PRKG1: variants seen among roughly 807,000 people sequenced by gnomAD.
PRKG1 encodes the protein cGMP-dependent protein kinase 1.
Under a neutral mutation model 88.1 loss-of-function variants are expected in PRKG1, and 35 were observed. The observed-to-expected ratio is 0.40, with a 90% CI of 0.30 to 0.53. The LOEUF is 0.53. Among genes scored for constraint, PRKG1 ranks in the 20% least tolerant of loss-of-function variants. PRKG1 has a pLI of 0.59. For synonymous variants in PRKG1, 303 were observed against 292.5 expected (o/e 1.04, Z -0.37); for missense variants, 540 against 839.8 (o/e 0.64, Z 4.41).
At chr10:51,161,716 AT>A (rs1846368319) in intron 2 of PRKG1, among the ~76,000 whole-genome samples, 1 of 152,144 alleles carries the variant, frequency 6.6e-6, no homozygotes. Flanking sequence ...GCAGTTATTT[AT>A]TTTATTTCTA....
intron 10 of PRKG1, among the ~76,000 whole-genome samples, chr10:52,265,500 T>C (rs1475734349): frequency 6.6e-6 from 1 of 152,122 alleles, no homozygotes; most frequent in Non-Finnish European, 1.5e-5. Flanking sequence ...AATGAATGAA[T>C]AGATACAAAT....
At chr10:52,109,172 C>T (rs1847497248) in intron 7 of PRKG1, among the ~76,000 whole-genome samples, 1 of 152,144 alleles carries the variant, frequency 6.6e-6, no homozygotes, top group African/African-American at 2.4e-5. Context: ...AAAGTCATCA[C>T]AGGTCTCAGC....
At chr10:52,067,220 A>C (rs574182188) in intron 7 of PRKG1, among the ~76,000 whole-genome samples, 1 of 152,188 alleles carries the variant, frequency 6.6e-6, no homozygotes, top group Non-Finnish European at 1.5e-5. Context: ...TTGGAATAAA[A>C]ATTGTAGAGC....
intron 4 of PRKG1, among the ~76,000 whole-genome samples, chr10:51,813,554 AT>A (rs1839510086): frequency 2.0e-5 from 3 of 152,202 alleles, no homozygotes; most frequent in South Asian, 4.1e-4. Context: ...TTATAACATC[AT>A]TTCCATTTTA....
intron 1 of PRKG1, among the ~76,000 whole-genome samples, chr10:51,099,099 C>T (rs1564599458): frequency 6.6e-6 from 1 of 152,082 alleles, no homozygotes; most frequent in South Asian, 2.1e-4. Context: ...CTGGGGAACA[C>T]TCCCTTAATA....
intron 5 of PRKG1, among the ~76,000 whole-genome samples, chr10:51,943,267 T>G (rs1424737217): frequency 6.6e-6 from 1 of 151,944 alleles, no homozygotes; most frequent in Non-Finnish European, 1.5e-5. Flanking sequence ...CTGTTATTGG[T>G]GTATAAGAAT....
intron 2 of PRKG1, among the ~76,000 whole-genome samples, chr10:51,213,295 A>G (rs1346547300): frequency 2.0e-5 from 3 of 151,930 alleles, no homozygotes; most frequent in Non-Finnish European, 4.4e-5. Context: ...GAAGGGGAAC[A>G]TCACACACCG....
intron 3 of PRKG1, among the ~76,000 whole-genome samples, chr10:51,780,110 G>A (rs907509887): frequency 2.0e-5 from 3 of 152,036 alleles, no homozygotes; most frequent in African/African-American, 7.2e-5. Context: ...AACTTACCGC[G>A]TAATCTGATT....
intron 5 of PRKG1, among the ~76,000 whole-genome samples, chr10:51,957,936 T>C (rs1449034838): frequency 1.3e-5 from 2 of 152,174 alleles, no homozygotes; most frequent in Non-Finnish European, 2.9e-5. Context: ...GCCAGTGAGT[T>C]AGATGCTCGG....
At chr10:51,523,290 CTG>C (rs1466707907) in intron 3 of PRKG1, among the ~76,000 whole-genome samples, 2 of 152,176 alleles carry the variant, frequency 1.3e-5, no homozygotes, top group East Asian at 3.9e-4. Context: ...ACCTCAATCT[CTG>C]TGAGTCCATG....
intron 3 of PRKG1, among the ~76,000 whole-genome samples, chr10:51,650,751 T>A (rs1319075145): frequency 2.0e-5 from 3 of 152,158 alleles, no homozygotes; most frequent in Admixed American, 2.0e-4. Context: ...TCTTTCCCAT[T>A]TCCACTGCTG....
At chr10:51,577,775 T>C (rs1419475506) in intron 3 of PRKG1, among the ~76,000 whole-genome samples, 1 of 152,076 alleles carries the variant, frequency 6.6e-6, no homozygotes, top group Non-Finnish European at 1.5e-5. Context: ...TACCTATGTT[T>C]ATTCTAGTTT....
chr10:51,670,739 AAAAAATAAATAAAT>A (rs1704183248), intron 3 of PRKG1, among the ~76,000 whole-genome samples: 2 of 116,998 alleles, frequency 1.7e-5, no homozygotes, highest in African/African-American at 6.4e-5. Flanking sequence ...CCGTCTCAAA[AAAAAATAAATAAAT>A]AAATAAATAA....
intron 2 of PRKG1, among the ~76,000 whole-genome samples, chr10:51,193,001 T>C (rs1837668958): frequency 6.6e-6 from 1 of 152,068 alleles, no homozygotes; most frequent in South Asian, 2.1e-4. Context: ...ATTTAAATGT[T>C]AGAATAAAGC....
chr10:51,497,530 C>T (rs144616285), intron 3 of PRKG1, among the ~76,000 whole-genome samples: 2 of 152,112 alleles, frequency 1.3e-5, no homozygotes, highest in East Asian at 1.9e-4. Context: ...AGAGTGTGGT[C>T]GCATGATAAT....
rs145430539 is a variant in PRKG1, at chr10:51,798,217, C to T, written c.593-6368C>T. 1.0e-3 allele frequency among the ~76,000 whole-genome samples: 156 copies of T among 152,094 alleles called. 1 individual carries two copies. The highest frequency in any genetic ancestry group is 3.4e-3 in the African/African-American group (141 of 41,530). On this transcript the variant is annotated intron_variant, in intron 3 of 17. Transcript: ENST00000373980. ...ATCCCATGTTTAATTTTCTCAGGAA[C>T]CACCATATCATTTTCCACAGTGGCT...
At chr10:51,056,314 A>G (rs1468158856) in intron 1 of PRKG1, among the ~76,000 whole-genome samples, 1 of 152,244 alleles carries the variant, frequency 6.6e-6, no homozygotes, top group African/African-American at 2.4e-5. Flanking sequence ...GGATATGCTC[A>G]GAAAAGATTC....
At chr10:51,052,474 G>T (rs1042917963) in intron 1 of PRKG1, among the ~76,000 whole-genome samples, 2 of 152,098 alleles carry the variant, frequency 1.3e-5, no homozygotes, top group African/African-American at 4.8e-5. Context: ...TTACTCAGAA[G>T]CTTTAAGAAG....
chr10:52,022,139 C>T (rs1845202509), intron 5 of PRKG1, among the ~76,000 whole-genome samples: 1 of 152,166 alleles, frequency 6.6e-6, no homozygotes, highest in Admixed American at 6.5e-5. Context: ...ATGACTGATA[C>T]TCTACAGTGT....
Sources: allele counts gnomAD v4.1 joint callset (sites outside exome capture counted in the v4.1 genomes callset), GRCh38; gene constraint gnomAD v4.1.1; transcripts MANE v1.5; gene names NCBI Gene and HGNC (gene_info 2026-07-23, HGNC 2026-07-21).